The following TENM3 variants were observed in gnomAD, a reference collection of about 807,000 sequenced individuals.
TENM3 encodes the protein teneurin transmembrane protein 3.
Under a neutral mutation model 255.1 loss-of-function variants are expected in TENM3, and 63 were observed. The ratio of observed to expected loss-of-function variants is 0.25; its 90% CI spans 0.20 to 0.30. TENM3 has a LOEUF of 0.30. TENM3 is among the 10% of genes least tolerant of loss of function. The pLI is 1.00. For missense variants in TENM3, 2,929 were observed against 3,461.1 expected (o/e 0.85, Z 3.86); for synonymous variants, 1,306 against 1,322.3 (o/e 0.99, Z 0.27).
the TENM3 span, among the ~76,000 whole-genome samples, chr4:181,988,871 C>T: frequency 6.6e-6 from 1 of 151,848 alleles, no homozygotes; most frequent in South Asian, 2.1e-4. Context: ...AGACACCTCT[C>T]CCTGCTCAAA....
At chr4:182,539,313 A>G (rs1740636266) in intron 3 of TENM3, among the ~76,000 whole-genome samples, 1 of 151,922 alleles carries the variant, frequency 6.6e-6, no homozygotes, top group African/African-American at 2.4e-5. Flanking sequence ...AAAAATAAAA[A>G]TGCTCTGCTT....
the TENM3 span, among the ~76,000 whole-genome samples, chr4:181,899,293 T>C: frequency 6.6e-6 from 1 of 152,082 alleles, no homozygotes; most frequent in African/African-American, 2.4e-5. Context: ...AAGTAAAAAA[T>C]CTTGAGGTAT....
the TENM3 span, among the ~76,000 whole-genome samples, chr4:182,088,952 A>G: frequency 6.6e-6 from 1 of 152,206 alleles, no homozygotes; most frequent in Non-Finnish European, 1.5e-5. Context: ...TCATATTAGA[A>G]TGTGGGGCCT....
chr4:181,753,204 A>G, the TENM3 span, among the ~76,000 whole-genome samples: 1 of 152,240 alleles, frequency 6.6e-6, no homozygotes, highest in East Asian at 1.9e-4. Context: ...CCTGGTATTC[A>G]GCAAACTCTA....
intron 3 of TENM3, among the ~76,000 whole-genome samples, chr4:182,382,347 TG>T (rs1234811990): frequency 8.5e-6 from 1 of 118,154 alleles, no homozygotes; most frequent in Non-Finnish European, 1.7e-5. Flanking sequence ...TTGATATTTT[TG>T]CACCATTTCT....
At chr4:181,573,951 AAATCCTTAAG>A in the TENM3 span, among the ~76,000 whole-genome samples, 15 of 152,180 alleles carry the variant, frequency 9.9e-5, no homozygotes, top group African/African-American at 3.6e-4. Context: ...GCAGCAAAAA[AAATCCTTAAG>A]ATATCATACA....
At chr4:182,202,178 C>G (rs374280828) in intron 1 of TENM3, among the ~76,000 whole-genome samples, 1 of 152,080 alleles carries the variant, frequency 6.6e-6, no homozygotes, top group Non-Finnish European at 1.5e-5. Context: ...TTTTATAGCT[C>G]TGTTTAACTG....
At chr4:182,555,659 A>G (rs2151950267) in intron 3 of TENM3, among the ~76,000 whole-genome samples, 1 of 152,336 alleles carries the variant, frequency 6.6e-6, no homozygotes, top group Admixed American at 6.5e-5. Context: ...CAGTACATCA[A>G]GAAAACCAAG....
the TENM3 span, among the ~76,000 whole-genome samples, chr4:181,570,765 T>G: frequency 6.6e-6 from 1 of 151,922 alleles, no homozygotes; most frequent in African/African-American, 2.4e-5. Context: ...TGAGTTGGGG[T>G]CCTCTCTGAG....
the TENM3 span, among the ~76,000 whole-genome samples, chr4:181,671,914 A>C: frequency 6.6e-6 from 1 of 152,072 alleles, no homozygotes; most frequent in African/African-American, 2.4e-5. Flanking sequence ...GGCTCATGGG[A>C]TAGATTGTAT....
At chr4:181,710,077 T>C in the TENM3 span, among the ~76,000 whole-genome samples, 1 of 152,150 alleles carries the variant, frequency 6.6e-6, no homozygotes. Flanking sequence ...GGGGACATGC[T>C]GGCTTTAGAA....
At chr4:182,392,839 GCTGT>G (rs1768531398) in intron 3 of TENM3, among the ~76,000 whole-genome samples, 1 of 152,166 alleles carries the variant, frequency 6.6e-6, no homozygotes, top group African/African-American at 2.4e-5. Flanking sequence ...ACTAGGAGAA[GCTGT>G]CTGAGCTATT....
chr4:182,157,962 CTT>C (rs1750824987), intron 1 of TENM3, among the ~76,000 whole-genome samples: 1 of 152,208 alleles, frequency 6.6e-6, no homozygotes, highest in Non-Finnish European at 1.5e-5. Flanking sequence ...ATGTAGTTCT[CTT>C]TGTCCTTTTT....
chr4:182,538,778 A>G (rs1740583822), intron 3 of TENM3, among the ~76,000 whole-genome samples: 1 of 152,162 alleles, frequency 6.6e-6, no homozygotes, highest in African/African-American at 2.4e-5. Flanking sequence ...AAGCAAAGGA[A>G]AAGGAGGTTT....
At chr4:182,092,485 A>C in the TENM3 span, among the ~76,000 whole-genome samples, 1 of 152,084 alleles carries the variant, frequency 6.6e-6, no homozygotes, top group Non-Finnish European at 1.5e-5. Flanking sequence ...CCATCTTTGC[A>C]AAAAATTTAA....
At chr4:182,634,152 T>G (rs535209577) in intron 5 of TENM3, among the ~76,000 whole-genome samples, 1 of 152,226 alleles carries the variant, frequency 6.6e-6, no homozygotes, top group Non-Finnish European at 1.5e-5. Flanking sequence ...GTTTCCACAC[T>G]GTCCAATTTA....
chr4:182,203,135 T>G (rs1754307310), intron 1 of TENM3, among the ~76,000 whole-genome samples: 1 of 151,480 alleles, frequency 6.6e-6, no homozygotes, highest in Non-Finnish European at 1.5e-5. Flanking sequence ...GAGAATCACT[T>G]GAACCAGGGA....
chr4:182,039,181 G>A, the TENM3 span, among the ~76,000 whole-genome samples: 1 of 152,284 alleles, frequency 6.6e-6, no homozygotes, highest in East Asian at 1.9e-4. Flanking sequence ...CCAGGACATG[G>A]TGGCTCAAAC....
chr4:182,417,901 T>G (rs1330391699), intron 3 of TENM3, among the ~76,000 whole-genome samples: 2 of 152,224 alleles, frequency 1.3e-5, no homozygotes, highest in Admixed American at 1.3e-4. Flanking sequence ...GTTTGATATC[T>G]GTACATCTCT....
Sources: allele counts gnomAD v4.1 joint callset (sites outside exome capture counted in the v4.1 genomes callset), GRCh38; gene constraint gnomAD v4.1.1; transcripts MANE v1.5; gene names NCBI Gene and HGNC (gene_info 2026-07-23, HGNC 2026-07-21).